The following ATP6V0E2 variants were observed in gnomAD, a reference collection of about 807,000 sequenced individuals.
The protein encoded by ATP6V0E2 is ATPase H+ transporting V0 subunit e2.
A neutral mutation model predicts 11.5 loss-of-function variants in ATP6V0E2; 4 were observed. That is an observed-to-expected ratio of 0.35 (90% CI 0.17 to 0.80). ATP6V0E2 has a LOEUF of 0.80. Among genes scored for constraint, ATP6V0E2 ranks in the 30% least tolerant of loss-of-function variants. The pLI, the probability that ATP6V0E2 is intolerant of heterozygous loss-of-function variation, is 0.53. For synonymous variants in ATP6V0E2, 52 were observed against 51.0 expected (o/e 1.02, Z -0.09); for missense variants, 93 against 113.5 (o/e 0.82, Z 0.82).
At chr7:149,873,716 C>T (rs1034690810), upstream of ATP6V0E2, 13 of 684,670 alleles carry the variant, frequency 1.9e-5, no homozygotes, top group South Asian at 9.7e-5. Context: ...CCCCAAGCTC[C>T]AGGGGTCTTT....
At chr7:149,876,115 C>G in intron 2 of ATP6V0E2, 1 of 456,324 alleles carries the variant, frequency 2.2e-6, no homozygotes, top group Non-Finnish European at 4.4e-6. Context: ...TGGCGGCTCA[C>G]GCCTGTAATC....
chr7:149,879,651 C>G lies in ATP6V0E2; in HGVS notation c.*336C>G, dbSNP rs201502653. On this transcript the variant is annotated 3_prime_UTR_variant, in exon 4 of 4. Transcript: ENST00000425642. The stretch of plus-strand genomic sequence containing the variant: ...GGGGTCTTTCCCTTTACAGACGGGG[C>G]AGATGCCAGGACTCAGCCCATCCTG... The G allele has an allele frequency of 4.8e-6, 7 of 1,457,146 alleles. No individual in the cohort carries two copies. Among genetic ancestry groups the G allele is most frequent in the Non-Finnish European group, 6.4e-6 (7 of 1,101,888 alleles). The allele number at this position is 1,457,146 out of a possible 1,614,324, so 90.3% of individuals were successfully genotyped here.
intron 2 of ATP6V0E2, chr7:149,876,104 G>A (rs1271651964): frequency 6.6e-6 from 3 of 457,158 alleles, no homozygotes; most frequent in African/African-American, 2.0e-5. Flanking sequence ...GAGGCCAGAC[G>A]TGGCGGCTCA....
At position 149,879,425 on chromosome 7, in the gene ATP6V0E2, C is replaced by T. The variant is rs759580699; in HGVS notation, c.*110C>T. The T allele has an allele frequency of 1.0e-4, 161 of 1,605,034 alleles. 1 individual carries two copies. The highest frequency in any genetic ancestry group is 1.3e-4 in the Non-Finnish European group (156 of 1,176,192). Reference sequence around the variant, plus strand: ...CCACACAACTATGTCTGGTCACCAGCTCCCTCCTGCTGGCACCCAGAGACC... The same window carrying T: ...CCACACAACTATGTCTGGTCACCAGTTCCCTCCTGCTGGCACCCAGAGACC... On this transcript the variant is annotated 3_prime_UTR_variant, in exon 4 of 4. Coordinates refer to ENST00000425642, the MANE Select transcript of ATP6V0E2 (RefSeq NM_145230.4).
rs776648514 is a variant in ATP6V0E2, at chr7:149,879,378, A to G, written c.*63A>G. On this transcript the variant is annotated 3_prime_UTR_variant, in exon 4 of 4. Transcript: ENST00000425642. ...GACTGTGGCTCCACTGTCCCTGACA[A>G]CCCCTTCGTCCGGACCCTCCCCCAC... 3 of 1,578,202 alleles carry G rather than the reference A, an allele frequency of 1.9e-6. No homozygotes were observed. The highest frequency in any genetic ancestry group is 1.2e-5 in the South Asian group (1 of 85,770).
At chr7:149,874,218 GC>G (rs1454568377) in intron 1 of ATP6V0E2, 49 bp downstream of exon 1, 2 of 1,501,002 alleles carry the variant, frequency 1.3e-6, no homozygotes, top group Admixed American at 4.4e-5. Flanking sequence ...CGGCCCCCTG[GC>G]CCGGCTCGCC....
intron 1 of ATP6V0E2, 115 bp downstream of exon 1, chr7:149,874,284 C>A: frequency 7.5e-7 from 1 of 1,341,356 alleles, no homozygotes; most frequent in Non-Finnish European, 9.9e-7. Context: ...GCAGGAGGGA[C>A]GCCAGGACCC....
intron 2 of ATP6V0E2, among the ~76,000 whole-genome samples, chr7:149,876,955 C>T (rs1292831196): frequency 6.6e-6 from 1 of 152,170 alleles, no homozygotes; most frequent in Non-Finnish European, 1.5e-5. Context: ...AAATTTACTT[C>T]ATTGATTTAA....
upstream of ATP6V0E2, chr7:149,873,957 T>C (rs374786366): frequency 7.1e-4 from 1,093 of 1,544,236 alleles, 3 homozygotes; most frequent in Admixed American, 1.7e-3. Context: ...TCGCTTCGGG[T>C]GCTCGACTCC....
chr7:149,873,631 C>G (rs1299342464), upstream of ATP6V0E2: 7 of 325,438 alleles, frequency 2.2e-5, no homozygotes, highest in Non-Finnish European at 3.9e-5. Context: ...GGCTGCGGGT[C>G]CGCAGGGCGC....
chr7:149,873,966 C>G, upstream of ATP6V0E2: 1 of 1,546,986 alleles, frequency 6.5e-7, no homozygotes, highest in Non-Finnish European at 8.7e-7. Context: ...GTGCTCGACT[C>G]CTGTTGCGCA....
At chr7:149,876,679 G>A (rs964706925) in intron 2 of ATP6V0E2, among the ~76,000 whole-genome samples, 3 of 152,228 alleles carry the variant, frequency 2.0e-5, no homozygotes, top group Non-Finnish European at 2.9e-5. Context: ...ATAAGTTCAA[G>A]TTCTAGTTTG....
At chr7:149,873,778 G>A (rs778594422), upstream of ATP6V0E2, 37 of 1,188,738 alleles carry the variant, frequency 3.1e-5, no homozygotes, top group Non-Finnish European at 4.0e-5. Context: ...GGCTGACGCG[G>A]ACCCTATAAC....
intron 1 of ATP6V0E2, among the ~76,000 whole-genome samples, chr7:149,875,220 C>A (rs895779731): frequency 2.6e-5 from 4 of 152,216 alleles, no homozygotes; most frequent in Non-Finnish European, 5.9e-5. Flanking sequence ...TTTCCTTCCC[C>A]TTGCTCCATG....
chr7:149,878,242 C>T (rs2128949050), intron 2 of ATP6V0E2, among the ~76,000 whole-genome samples: 1 of 152,318 alleles, frequency 6.6e-6, no homozygotes, highest in South Asian at 2.1e-4. Flanking sequence ...GTCAGCTCCT[C>T]ACGTCTTGGG....
At position 149,874,085 on chromosome 7, in the gene ATP6V0E2, C is replaced by T; in HGVS notation, c.20C>T (p.Ala7Val). 26 of 1,550,064 alleles carry T rather than the reference C, an allele frequency of 1.7e-5. No individual in the cohort carries two copies. Among genetic ancestry groups the T allele is most frequent in the Non-Finnish European group, 2.2e-5 (25 of 1,146,640 alleles). The change falls in exon 1 of 4, where the codon GCC becomes GTC. Residue 7 changes from alanine (A) to valine (V), a missense_variant. Coordinates refer to ENST00000425642, the MANE Select transcript of ATP6V0E2 (RefSeq NM_145230.4). MTAHSF[A>V]LPVIIFTTFW... Reference sequence around the variant, plus strand: ...CCGGCCATGACGGCGCACTCATTCGCCCTCCCGGTCATCATCTTCACCACG... The same window carrying T: ...CCGGCCATGACGGCGCACTCATTCGTCCTCCCGGTCATCATCTTCACCACG...
chr7:149,877,563 C>CTTTTT (rs11334520), intron 2 of ATP6V0E2, among the ~76,000 whole-genome samples: 36,846 of 140,218 alleles, frequency 0.26, 4,961 homozygotes, highest in Non-Finnish European at 0.3. Flanking sequence ...CTTAAACCCA[C>CTTTTT]TTTTTTTTTT....
rs749176357 is a variant in ATP6V0E2, at chr7:149,879,410, A to G, written c.*95A>G. 2.5e-6 allele frequency: 4 copies of G among 1,604,566 alleles called. No homozygotes were observed. Among genetic ancestry groups the G allele is most frequent in the East Asian group, 2.3e-5 (1 of 44,042 alleles). On this transcript the variant is annotated 3_prime_UTR_variant, in exon 4 of 4. Transcript: ENST00000425642. ...CGTCCGGACCCTCCCCCACACAACT[A>G]TGTCTGGTCACCAGCTCCCTCCTGC...
chr7:149,879,708 T>C lies in ATP6V0E2; in HGVS notation c.*393T>C. 7.3e-7 allele frequency: 1 copy of C among 1,363,874 alleles called. No individual in the cohort carries two copies. Among genetic ancestry groups the C allele is most frequent in the South Asian group, 2.0e-5 (1 of 49,820 alleles). 84.5% of individuals were successfully genotyped at this position (1,363,874 alleles called of 1,614,324 possible). ...ACACGTGTCCTCATGGAGAGGGTGC[T>C]CCGGCCCAGGCGGGGGAGTCAGTGC... On this transcript the variant is annotated 3_prime_UTR_variant, in exon 4 of 4. Transcript: ENST00000425642.
Sources: gnomAD v4.1 joint callset for allele counts (sites outside exome capture counted in the v4.1 genomes callset) on GRCh38, gnomAD v4.1.1 for gene constraint, MANE v1.5 for transcripts, NCBI Gene and HGNC (gene_info 2026-07-23, HGNC 2026-07-21) for gene names.